Variants in SYNE1 observed in about 807,000 individuals in gnomAD.
SYNE1 encodes the protein nesprin-1.
Under a neutral mutation model 1,111.0 loss-of-function variants are expected in SYNE1, and 616 were observed. The ratio of observed to expected loss-of-function variants is 0.55; its 90% CI spans 0.52 to 0.59. SYNE1 has a LOEUF of 0.59. Among genes scored for constraint, SYNE1 ranks in the 20% least tolerant of loss-of-function variants. SYNE1 has a pLI of 0.00. For missense variants in SYNE1, 10,006 were observed against 10,417.0 expected (o/e 0.96, Z 1.72); for synonymous variants, 3,855 against 3,825.8 (o/e 1.01, Z -0.28).
At position 152,231,686 on chromosome 6, in the gene SYNE1, T is replaced by A; in HGVS notation, c.20863-119A>T. On this transcript the variant is annotated intron_variant, in intron 113 of 145. Transcript: ENST00000367255. ...TATCACTTCCATAACTCAGCTGAAA[T>A]GGCACAATTTGTCTGTGTTCACACA... The A allele has an allele frequency of 5.7e-6, 6 of 1,055,168 alleles. No individual in the cohort carries two copies. The South Asian group carries it at 8.9e-5, about 16-fold the overall frequency. 65.4% of individuals were successfully genotyped at this position (1,055,168 alleles called of 1,614,324 possible).
At chr6:152,458,266 G>A (rs2098709485) in intron 22 of SYNE1, among the ~76,000 whole-genome samples, 1 of 152,182 alleles carries the variant, frequency 6.6e-6, no homozygotes, top group African/African-American at 2.4e-5. Flanking sequence ...TGAAGTTAGA[G>A]TGGCGGATTT....
intron 125 of SYNE1, among the ~76,000 whole-genome samples, chr6:152,207,373 A>G (rs2076710362): frequency 6.6e-6 from 1 of 152,180 alleles, no homozygotes; most frequent in African/African-American, 2.4e-5. Context: ...AGATATGAAT[A>G]TGCCCCTTCT....
Position 152,330,496 on chromosome 6 carries a change from A to G in SYNE1, c.14189T>C (p.Val4730Ala). The G allele has an allele frequency of 1.2e-6, 2 of 1,613,932 alleles. No homozygotes were observed. Among genetic ancestry groups the G allele is most frequent in the South Asian group, 1.1e-5 (1 of 91,054 alleles). The part of the protein sequence containing the change: ...LDEVAGLGEA[V>A]DELNQKKEGF... ...TTCTTTTTTCTGGTTCAGTTCATCC[A>G]CCGCCTCCCCAAGGCCCGCCACCTC... Residue 4730 changes from valine (V) to alanine (A), a missense_variant, in exon 78 of 146, where the codon GTG becomes GCG. This residue lies in a region of SYNE1 where 4,955 missense variants were observed against 5,017.2 expected (regional missense o/e 0.99). Coordinates refer to ENST00000367255, the MANE Select transcript of SYNE1 (RefSeq NM_182961.4).
In SYNE1 at chr6:152,534,210, A is replaced by G. The variant is rs560731361; in HGVS notation, c.129+5750T>C. Among the ~76,000 whole-genome samples, 792 of 152,078 alleles carry G rather than the reference A, an allele frequency of 5.2e-3. 7 individuals are homozygous for G. The highest frequency in any genetic ancestry group is 0.018 in the African/African-American group (726 of 41,476). ...TGAATGAATGAATGAATGAATAAAT[A>G]AATAAATAAAATAATATATTTCTAA... On this transcript the variant is annotated intron_variant, in intron 4 of 145. Transcript: ENST00000367255.
At chr6:152,552,064 T>C (rs1486695834) in intron 3 of SYNE1, among the ~76,000 whole-genome samples, 1 of 152,226 alleles carries the variant, frequency 6.6e-6, no homozygotes, top group African/African-American at 2.4e-5. Flanking sequence ...CACTTTATTT[T>C]AACCTGAAAC....
At chr6:152,174,718 C>T (rs946689221) in intron 130 of SYNE1, among the ~76,000 whole-genome samples, 5 of 152,162 alleles carry the variant, frequency 3.3e-5, no homozygotes, top group East Asian at 1.9e-4. Flanking sequence ...ACAATGTGTG[C>T]GTGATGATGG....
Position 152,339,264 on chromosome 6 carries a change from C to T in SYNE1, c.12328G>A (p.Asp4110Asn), listed in dbSNP as rs368462157. The change falls in exon 75 of 146, where the codon GAC becomes AAC. Residue 4110 changes from aspartate (D) to asparagine (N), a missense_variant. Asp to Asn is a conservative substitution (Grantham distance 23). This residue lies in a region of SYNE1 where 4,955 missense variants were observed against 5,017.2 expected (regional missense o/e 0.99). Coordinates refer to ENST00000367255, the MANE Select transcript of SYNE1 (RefSeq NM_182961.4). Reference sequence around the variant, plus strand: ...ACCGTTTGCTCTGTTTGTTGAATGTCTTTTGCTGTGGTTTTCACCGAAGCA... The same window carrying T: ...ACCGTTTGCTCTGTTTGTTGAATGTTTTTTGCTGTGGTTTTCACCGAAGCA... ...SNASVKTTAK[D>N]IQQTEQTIEQ... 8 of 1,613,742 alleles carry T rather than the reference C, an allele frequency of 5.0e-6. No individual in the cohort carries two copies. Among genetic ancestry groups the T allele is most frequent in the African/African-American group, 1.3e-5 (1 of 74,922 alleles).
In SYNE1 at chr6:152,400,938, T is replaced by G. The variant is rs17364983; in HGVS notation, c.7029+200A>C. The stretch of plus-strand genomic sequence containing the variant: ...CAACACATGCTTTCTATTTTCAAGG[T>G]ATTCATTTTTGATTTCTGAACACCT... On this transcript the variant is annotated intron_variant, in intron 47 of 145. Transcript: ENST00000367255. 6.5e-3 allele frequency among the ~76,000 whole-genome samples: 991 copies of G among 152,316 alleles called. 8 individuals are homozygous for G. Among genetic ancestry groups the G allele is most frequent in the Non-Finnish European group, 0.011 (721 of 68,022 alleles).
intron 4 of SYNE1, among the ~76,000 whole-genome samples, chr6:152,538,126 G>C (rs2099252506): frequency 6.6e-6 from 1 of 152,096 alleles, no homozygotes; most frequent in South Asian, 2.1e-4. Context: ...CAAGGAAATG[G>C]GGATTCTTAG....
chr6:152,207,026 A>C (rs1395830673), intron 125 of SYNE1, among the ~76,000 whole-genome samples: 1 of 152,176 alleles, frequency 6.6e-6, no homozygotes, highest in Non-Finnish European at 1.5e-5. Context: ...GAATGGAAGA[A>C]GGATGTGTGT....
chr6:152,293,386 T>G (rs2094705507), intron 95 of SYNE1, among the ~76,000 whole-genome samples: 1 of 152,162 alleles, frequency 6.6e-6, no homozygotes, highest in Non-Finnish European at 1.5e-5. Context: ...TCTCTCCCTC[T>G]CTCTCTTTTT....
rs1353907585 is a variant in SYNE1 at position 152,242,471 on chromosome 6, C to T, written c.19693-31G>A. The T allele has an allele frequency of 1.9e-6, 3 of 1,611,808 alleles. No homozygotes were observed. The African/African-American group carries it at 4.0e-5, about 22-fold the overall frequency. On this transcript the variant is annotated intron_variant, in intron 106 of 145. Transcript: ENST00000367255. ...AAGCAGAGACCACAAGACTCACTCT[C>T]AATTCATATTCTGGCAACCCTCTAA... is the stretch of plus-strand genomic sequence containing the variant.
intron 3 of SYNE1, among the ~76,000 whole-genome samples, chr6:152,591,749 A>C (rs1374272116): frequency 1.3e-5 from 2 of 152,154 alleles, no homozygotes; most frequent in Non-Finnish European, 2.9e-5. Context: ...GCAGACATTC[A>C]CAAACTGTGC....
intron 145 of SYNE1, 106 bp from the exon 146 acceptor site, chr6:152,122,782 C>T (rs907315699): frequency 6.4e-7 from 1 of 1,556,914 alleles, no homozygotes; most frequent in East Asian, 2.3e-5. Flanking sequence ...GCCAAGCACA[C>T]CCCAGCCTGG....
intron 56 of SYNE1, chr6:152,380,443 C>G (rs2097386503): frequency 6.7e-6 from 1 of 148,974 alleles, no homozygotes; most frequent in South Asian, 2.1e-4. Flanking sequence ...CTGCCATTAG[C>G]TTCAAAAAAA....
chr6:152,250,248 T>C (rs908699818), intron 104 of SYNE1, among the ~76,000 whole-genome samples: 1 of 151,462 alleles, frequency 6.6e-6, no homozygotes, highest in Non-Finnish European at 1.5e-5. Context: ...TGGGTGACTT[T>C]ATCTCAAAAA....
At chr6:152,251,080 G>T (rs1036964217) in intron 104 of SYNE1, among the ~76,000 whole-genome samples, 10 of 152,056 alleles carry the variant, frequency 6.6e-5, no homozygotes, top group African/African-American at 2.2e-4. Flanking sequence ...CTCCCAAGTA[G>T]CTGGGACTAT....
chr6:152,304,613 C>T (rs972030247), intron 91 of SYNE1, among the ~76,000 whole-genome samples: 1 of 152,168 alleles, frequency 6.6e-6, no homozygotes, highest in African/African-American at 2.4e-5. Flanking sequence ...CGTGAGCCAC[C>T]ATGCCCGGCA....
chr6:152,289,372 T>C (rs2094473209), intron 95 of SYNE1, among the ~76,000 whole-genome samples: 1 of 152,210 alleles, frequency 6.6e-6, no homozygotes, highest in Non-Finnish European at 1.5e-5. Context: ...TTATGTGACC[T>C]TCAGAACTGT....
Sources: gnomAD v4.1 joint callset for allele counts (sites outside exome capture counted in the v4.1 genomes callset) on GRCh38, gnomAD v4.1.1 for gene constraint, gnomAD v4.1.1 regional missense constraint, MANE v1.5 for transcripts, NCBI Gene and HGNC (gene_info 2026-07-23, HGNC 2026-07-21) for gene names.